SAP130: variants seen among roughly 807,000 people sequenced by gnomAD.
The protein encoded by SAP130 is Sin3A associated protein 130, also known as histone deacetylase complex subunit SAP130.
Under a neutral mutation model 103.2 loss-of-function variants are expected in SAP130, and 16 were observed. The observed-to-expected ratio is 0.16, with a 90% confidence interval of 0.10 to 0.24. The LOEUF is 0.24. Among genes scored for constraint, SAP130 ranks in the 10% least tolerant of loss-of-function variants. The pLI is 1.00. For missense variants in SAP130, 990 were observed against 1,359.7 expected, an observed-to-expected ratio of 0.73 and a Z score of 4.28; for synonymous variants, 477 against 497.0, an observed-to-expected ratio of 0.96 and a Z score of 0.53.
intron 15 of SAP130, among the ~76,000 whole-genome samples, 200 bp downstream of exon 15, chr2:127,977,785 C>T (rs1681574686): frequency 6.6e-6 from 1 of 152,098 alleles, no homozygotes; most frequent in Admixed American, 6.6e-5. Flanking sequence ...ACTCAAGAGG[C>T]TGAGGCTGAT....
intron 1 of SAP130, among the ~76,000 whole-genome samples, chr2:128,027,688 GCCACGCCC>G (rs1228096968): frequency 9.8e-6 from 1 of 102,336 alleles, no homozygotes; most frequent in Non-Finnish European, 1.9e-5. Context: ...GCCCACGTCC[GCCACGCCC>G]CCACGCCCGG....
At chr2:128,021,092 ATC>A (rs1685120331) in intron 2 of SAP130, among the ~76,000 whole-genome samples, 1 of 152,162 alleles carries the variant, frequency 6.6e-6, no homozygotes, top group Non-Finnish European at 1.5e-5. Context: ...TTTTGCTTTT[ATC>A]AACAATCTTG....
chr2:128,019,385 C>T (rs1260338476), intron 2 of SAP130, among the ~76,000 whole-genome samples: 3 of 152,090 alleles, frequency 2.0e-5, no homozygotes, highest in Non-Finnish European at 4.4e-5. Flanking sequence ...CCTCTGCCTC[C>T]GCTGCCCAAG....
At chr2:127,980,983 T>C (rs909339691) in intron 14 of SAP130, among the ~76,000 whole-genome samples, 1 of 151,942 alleles carries the variant, frequency 6.6e-6, no homozygotes, top group African/African-American at 2.4e-5. Flanking sequence ...CACAAAAAAA[T>C]GCACATCATA....
At chr2:127,949,072 A>C (rs1679318272) in intron 18 of SAP130, among the ~76,000 whole-genome samples, 1 of 152,154 alleles carries the variant, frequency 6.6e-6, no homozygotes, top group Non-Finnish European at 1.5e-5. Context: ...CGCCTCTGTA[A>C]TTCCATTCAG....
intron 18 of SAP130, among the ~76,000 whole-genome samples, chr2:127,945,943 G>A (rs934247072): frequency 5.3e-5 from 8 of 152,174 alleles, no homozygotes; most frequent in Admixed American, 2.0e-4. Context: ...ATGAGCTGCC[G>A]TACCTGGCCA....
intron 18 of SAP130, among the ~76,000 whole-genome samples, chr2:127,947,939 A>G (rs1334314023): frequency 3.3e-5 from 5 of 151,418 alleles, no homozygotes; most frequent in Non-Finnish European, 5.9e-5. Context: ...ACAGGTGTGT[A>G]CCACCATGCC....
intron 2 of SAP130, among the ~76,000 whole-genome samples, chr2:128,020,636 T>C (rs1416108756): frequency 1.3e-5 from 2 of 152,232 alleles, no homozygotes; most frequent in Non-Finnish European, 2.9e-5. Flanking sequence ...GGTGAACATA[T>C]GTACCACTTC....
chr2:127,967,984 G>A (rs1680778814), intron 15 of SAP130, among the ~76,000 whole-genome samples: 1 of 152,038 alleles, frequency 6.6e-6, no homozygotes, highest in Non-Finnish European at 1.5e-5. Context: ...AATCAATGAG[G>A]GAAAATGGAA....
rs574155106 is a variant in SAP130 at position 127,996,063 on chromosome 2, C to T, written c.1355+287G>A. ...TCCGTGCTACAAATGGAGGTACTTA[C>T]GGATAAATGGTCATAATGCTGCAAC... On this transcript the variant is annotated intron_variant, in intron 11 of 20. Coordinates refer to ENST00000643581, the MANE Select transcript of SAP130 (RefSeq NM_001330301.2). This position sits in a 1 kb window ranked among gnomAD's most constrained non-coding sequence, Gnocchi z 4.3. Among the ~76,000 whole-genome samples, 6 of 151,988 alleles carry T rather than the reference C, an allele frequency of 3.9e-5. No individual in the cohort carries two copies. Among genetic ancestry groups the T allele is most frequent in the Admixed American group, 6.6e-5 (1 of 15,248 alleles).
rs535159433 is a variant in SAP130 at position 127,955,035 on chromosome 2, A to T, written c.2373T>A (p.Ile791=). 3.7e-6 allele frequency: 6 copies of T among 1,613,896 alleles called. No homozygotes were observed. Among genetic ancestry groups the T allele is most frequent in the Middle Eastern group, 1.7e-4 (1 of 6,060 alleles). The change falls in exon 16 of 21, where the codon ATT becomes ATA. Residue 791 remains isoleucine (I), a synonymous_variant. Transcript: ENST00000643581. This position sits in a 1 kb window ranked among gnomAD's most constrained non-coding sequence, Gnocchi z 4.9. ...SSVLGPPVPE[I]KVKEEVEPMD... is the part of the protein sequence containing the mutation. ...TTGGTTCTACTTCTTCTTTCACTTTAATTTCAGGAACGGGAGGGCCCAAGA... is the reference window on the plus strand; with the variant it reads ...TTGGTTCTACTTCTTCTTTCACTTTTATTTCAGGAACGGGAGGGCCCAAGA...
At chr2:128,011,792 T>C (rs572574242) in intron 6 of SAP130, among the ~76,000 whole-genome samples, 1 of 152,346 alleles carries the variant, frequency 6.6e-6, no homozygotes, top group East Asian at 1.9e-4. Context: ...CTCCTGTATG[T>C]GATTCAGCTA....
intron 15 of SAP130, among the ~76,000 whole-genome samples, chr2:127,973,792 G>A (rs148504153): frequency 6.6e-6 from 1 of 152,172 alleles, no homozygotes; most frequent in Non-Finnish European, 1.5e-5. Flanking sequence ...TAAGACATAT[G>A]GGCAGGGTGC....
Position 127,986,635 on chromosome 2 carries a change from T to C in SAP130, c.1958+150A>G, listed in dbSNP as rs1682411804. ...AGCTGGGTAAGGCTCTACTGAATAATCCTGTGGTCAAGTTGTTTTGGAGGA... is the reference window on the plus strand; with the variant it reads ...AGCTGGGTAAGGCTCTACTGAATAACCCTGTGGTCAAGTTGTTTTGGAGGA... On this transcript the variant is annotated intron_variant, in intron 14 of 20. Transcript: ENST00000643581. This position sits in a 1 kb window ranked among gnomAD's most constrained non-coding sequence, Gnocchi z 4.7. 1.3e-6 allele frequency: 1 copy of C among 777,996 alleles called. No homozygotes were observed. Among genetic ancestry groups the C allele is most frequent in the Non-Finnish European group, 2.1e-6 (1 of 479,066 alleles). The allele number at this position is 777,996 out of a possible 1,614,324, so 48.2% of individuals were successfully genotyped here. A position where few individuals can be genotyped will look rare whatever the true frequency, so the allele number is the denominator to read the frequency against.
chr2:128,000,139 A>G lies in SAP130; in HGVS notation c.1025T>C (p.Ile342Thr). 6.2e-7 allele frequency: 1 copy of G among 1,614,144 alleles called. No homozygotes were observed. The highest frequency in any genetic ancestry group is 8.5e-7 in the Non-Finnish European group (1 of 1,180,020). The change falls in exon 9 of 21, where the codon ATC becomes ACC. Residue 342 changes from isoleucine (I) to threonine (T), a missense_variant. By Grantham distance (89) the Ile-to-Thr change is moderately conservative. Around this residue, in one of 6 missense-constraint regions of SAP130, gnomAD observed 336 missense variants for 520.1 expected, o/e 0.65. Transcript: ENST00000643581. Reference sequence around the variant, plus strand: ...AGCCACTGGCGTGCCAGTACTGAAGATTGTTTTCTGTGAGGGAAACCCCAC... The same window carrying G: ...AGCCACTGGCGTGCCAGTACTGAAGGTTGTTTTCTGTGAGGGAAACCCCAC... ...QQLHTMAQKT[I>T]FSTGTPVAAA...
At chr2:128,026,532 T>C (rs1030261134) in intron 1 of SAP130, among the ~76,000 whole-genome samples, 2 of 152,236 alleles carry the variant, frequency 1.3e-5, no homozygotes, top group Admixed American at 1.3e-4. Flanking sequence ...CCTCCATAAA[T>C]ACTTGTGGAT....
At chr2:127,974,706 G>A (rs1559057718) in intron 15 of SAP130, among the ~76,000 whole-genome samples, 1 of 152,248 alleles carries the variant, frequency 6.6e-6, no homozygotes, top group East Asian at 1.9e-4. Context: ...CCAGCTACTC[G>A]GGAGGCTGAG....
Position 127,989,990 on chromosome 2 carries a change from A to AAAAT in SAP130, c.1478-128_1478-125dup. On this transcript the variant is annotated intron_variant, in intron 12 of 20. Coordinates refer to ENST00000643581, the MANE Select transcript of SAP130 (RefSeq NM_001330301.2). The surrounding 1 kb of genome is among the most constrained non-coding windows in gnomAD (Gnocchi z 4.6). ...AAGATCTAAATCCATGGTTTGAAAA[A>AAAAT]AAATAAATAAATAAACATTGTTACT... is the stretch of plus-strand genomic sequence containing the variant. The AAAAT allele has an allele frequency of 1.2e-6, 1 of 838,996 alleles. No individual in the cohort carries two copies. Among genetic ancestry groups the AAAAT allele is most frequent in the South Asian group, 2.0e-5 (1 of 50,876 alleles). The allele number at this position is 838,996 out of a possible 1,614,324, so 52.0% of individuals were successfully genotyped here.
intron 15 of SAP130, among the ~76,000 whole-genome samples, chr2:127,965,171 C>G (rs1335976403): frequency 6.6e-6 from 1 of 152,074 alleles, no homozygotes; most frequent in African/African-American, 2.4e-5. Flanking sequence ...GTGGTGTGCA[C>G]CTGTAGTCCC....
Sources: allele counts gnomAD v4.1 joint callset (sites outside exome capture counted in the v4.1 genomes callset), GRCh38; gene constraint gnomAD v4.1.1; regional missense constraint gnomAD v4.1.1; non-coding constraint Gnocchi (gnomAD v3.1); transcripts MANE v1.5; gene names NCBI Gene and HGNC (gene_info 2026-07-23, HGNC 2026-07-21).